CNIH3: variants seen among roughly 807,000 people sequenced by gnomAD.
CNIH3 encodes cornichon family AMPA receptor auxiliary protein 3.
Under a neutral mutation model 24.1 loss-of-function variants are expected in CNIH3, and 14 were observed. The ratio of observed to expected loss-of-function variants is 0.58; its 90% confidence interval spans 0.38 to 0.91. The LOEUF (loss-of-function observed/expected upper bound fraction) is 0.91, where lower values mean the gene tolerates loss of function less well. Among genes scored for constraint, CNIH3 ranks in the 40% least tolerant of loss-of-function variants. The probability of loss-of-function intolerance (pLI) is 0.00; values close to 1 mark genes in which losing one functional copy is unlikely to be tolerated. For missense variants in CNIH3, 178 were observed against 196.8 expected (o/e 0.90, Z 0.57); for synonymous variants, 68 against 73.8 (o/e 0.92, Z 0.40).
downstream of CNIH3, chr1:224,537,041 T>A (rs1041101262): frequency 1.3e-5 from 2 of 152,086 alleles, no homozygotes; most frequent in Non-Finnish European, 2.9e-5. Flanking sequence ...AAGAGAAAAG[T>A]CAAGCTGGGA....
intron 1 of CNIH3, among the ~76,000 whole-genome samples, chr1:224,665,880 T>C (rs1189872182): frequency 2.0e-5 from 3 of 150,316 alleles, no homozygotes; most frequent in Non-Finnish European, 4.4e-5. Flanking sequence ...AGGAGCCTAG[T>C]GTGCTAGGGA....
chr1:224,475,920 G>A (rs1473928165), intron 1 of CNIH3, among the ~76,000 whole-genome samples: 3 of 152,026 alleles, frequency 2.0e-5, no homozygotes, highest in East Asian at 3.9e-4. Context: ...TTTATCCCAG[G>A]GATGCAAGGA....
intron 1 of CNIH3, among the ~76,000 whole-genome samples, chr1:224,625,869 A>T (rs1368465864): frequency 1.3e-5 from 2 of 152,154 alleles, no homozygotes; most frequent in Non-Finnish European, 2.9e-5. Flanking sequence ...GCTGCACGCT[A>T]GTCTCTCCAA....
intron 1 of CNIH3, chr1:224,436,999 A>G (rs1012963942): frequency 3.9e-5 from 6 of 152,138 alleles, no homozygotes; most frequent in East Asian, 3.9e-4. Context: ...GCTCATTTCA[A>G]ACCTCCTCAG....
At chr1:224,642,998 A>G (rs945224749) in intron 1 of CNIH3, among the ~76,000 whole-genome samples, 1 of 152,112 alleles carries the variant, frequency 6.6e-6, no homozygotes, top group Non-Finnish European at 1.5e-5. Context: ...TTCTCCTCCG[A>G]GATTCCTAAA....
intron 2 of CNIH3, among the ~76,000 whole-genome samples, chr1:224,543,507 G>T (rs771302569): frequency 3.9e-5 from 6 of 152,164 alleles, no homozygotes; most frequent in Non-Finnish European, 8.8e-5. Context: ...CAAACTTGCA[G>T]CTGGTTTCTA....
intron 5 of CNIH3, among the ~76,000 whole-genome samples, chr1:224,586,548 ACTTTG>A (rs1681517949): frequency 6.6e-6 from 1 of 152,178 alleles, no homozygotes; most frequent in Non-Finnish European, 1.5e-5. Context: ...TCAGGCCAGT[ACTTTG>A]CTTCCCTGGG....
chr1:224,622,760 T>C (rs1361130130), intron 1 of CNIH3, among the ~76,000 whole-genome samples: 3 of 152,242 alleles, frequency 2.0e-5, no homozygotes, highest in Non-Finnish European at 2.9e-5. Flanking sequence ...TTGCCTATAC[T>C]GGCCCTGAAG....
rs949321599 is a variant in CNIH3, at chr1:224,604,496, C to T, written n.402+38232C>T. Among the ~76,000 whole-genome samples, 5 of 152,170 alleles carry T rather than the reference C, an allele frequency of 3.3e-5. No homozygotes were observed. Among genetic ancestry groups the T allele is most frequent in the African/African-American group, 1.2e-4 (5 of 41,436 alleles). On this transcript the variant is annotated intron_variant and non_coding_transcript_variant, in intron 3 of 7. Coordinates refer to the CNIH3 transcript ENST00000478120. The surrounding 1 kb of genome is among the most constrained non-coding windows in gnomAD (Gnocchi z 4.4). The stretch of plus-strand genomic sequence containing the variant: ...GACTGGACAGAGGCTGAGATGGAGC[C>T]TCTGAAGAAGGGACCCCTACGCCGC...
At chr1:224,502,728 T>C (rs1309048341) in intron 1 of CNIH3, among the ~76,000 whole-genome samples, 2 of 152,220 alleles carry the variant, frequency 1.3e-5, no homozygotes, top group African/African-American at 4.8e-5. Context: ...CCCCTTTTCA[T>C]AGTTTTCACC....
chr1:224,480,335 G>T (rs112377021), intron 1 of CNIH3, among the ~76,000 whole-genome samples: 3,800 of 152,290 alleles, frequency 0.025, 69 homozygotes, highest in Non-Finnish European at 0.041. Flanking sequence ...GGCCTGTGAT[G>T]GGAGGGGCTG....
At chr1:224,507,155 A>G (rs1305549718) in intron 1 of CNIH3, among the ~76,000 whole-genome samples, 1 of 152,228 alleles carries the variant, frequency 6.6e-6, no homozygotes, top group Non-Finnish European at 1.5e-5. Flanking sequence ...ATGAGCCACC[A>G]TGCCCAGCCA....
At chr1:224,460,141 G>T (rs182630580) in intron 1 of CNIH3, among the ~76,000 whole-genome samples, 30 of 152,084 alleles carry the variant, frequency 2.0e-4, no homozygotes, top group Non-Finnish European at 2.4e-4. Context: ...ATCCACCCAC[G>T]TCGGCCTCCC....
intron 5 of CNIH3, among the ~76,000 whole-genome samples, chr1:224,736,206 A>G (rs991880795): frequency 2.2e-4 from 33 of 152,072 alleles, no homozygotes; most frequent in African/African-American, 7.0e-4. Context: ...GCTTGCTGCA[A>G]CCTTGAACTC....
upstream of CNIH3, among the ~76,000 whole-genome samples, chr1:224,613,168 T>C (rs1682778801): frequency 6.6e-6 from 1 of 152,118 alleles, no homozygotes; most frequent in Admixed American, 6.5e-5. Flanking sequence ...TGGCTAATTT[T>C]ATTTTCATTT....
chr1:224,594,044 G>A (rs990146260), intron 3 of CNIH3, among the ~76,000 whole-genome samples: 3 of 152,242 alleles, frequency 2.0e-5, no homozygotes, highest in Non-Finnish European at 4.4e-5. Context: ...GTTTTAGTTT[G>A]AGAAGTTGAA....
chr1:224,674,541 C>T (rs1686041654), intron 1 of CNIH3, among the ~76,000 whole-genome samples: 2 of 151,956 alleles, frequency 1.3e-5, no homozygotes, highest in South Asian at 4.2e-4. Flanking sequence ...GCAGGACTGA[C>T]CTTGCTGTAG....
chr1:224,487,054 A>C (rs1486576439), intron 1 of CNIH3, among the ~76,000 whole-genome samples: 1 of 152,194 alleles, frequency 6.6e-6, no homozygotes, highest in Non-Finnish European at 1.5e-5. Context: ...AACATACCAA[A>C]ATCTAATTTC....
At chr1:224,733,964 G>A (rs1053742846) in intron 4 of CNIH3, among the ~76,000 whole-genome samples, 6 of 152,130 alleles carry the variant, frequency 3.9e-5, no homozygotes, top group East Asian at 3.9e-4. Context: ...CACACAGTTC[G>A]CGTTAGCTGC....
Sources: gnomAD v4.1 joint callset for allele counts (sites outside exome capture counted in the v4.1 genomes callset) on GRCh38, gnomAD v4.1.1 for gene constraint, Gnocchi (gnomAD v3.1) non-coding constraint, MANE v1.5 for transcripts, NCBI Gene and HGNC (gene_info 2026-07-23, HGNC 2026-07-21) for gene names.